Variants in GGT1 observed in about 807,000 individuals in gnomAD.
GGT1 encodes glutathione hydrolase 1 proenzyme.
GGT1 carries 21 observed loss-of-function variants against 56.0 expected under a neutral mutation model. That is an observed-to-expected ratio of 0.38 (90% confidence interval 0.27 to 0.54). The LOEUF is 0.54. Among genes scored for constraint, GGT1 ranks in the 20% least tolerant of loss-of-function variants. The probability of loss-of-function intolerance (pLI) is 0.82; values close to 1 mark genes in which losing one functional copy is unlikely to be tolerated. For synonymous variants in GGT1, 238 were observed against 342.6 expected (o/e 0.69, Z 3.37); for missense variants, 466 against 787.0 (o/e 0.59, Z 4.88).
chr22:24,604,765 T>C (rs201435769), intron 1 of GGT1, among the ~76,000 whole-genome samples: 1 of 151,544 alleles, frequency 6.6e-6, no homozygotes, highest in Non-Finnish European at 1.5e-5. Flanking sequence ...ACACTCAGCA[T>C]GTGAGGAAAA....
chr22:24,586,336 C>G, the GGT1 span: 1 of 1,613,974 alleles, frequency 6.2e-7, no homozygotes, highest in Non-Finnish European at 8.5e-7. Context: ...GTTGCACGTC[C>G]TGTGTCGACA....
At chr22:24,590,598 G>A (rs951588403), upstream of GGT1, among the ~76,000 whole-genome samples, 3 of 152,130 alleles carry the variant, frequency 2.0e-5, no homozygotes, top group Non-Finnish European at 4.4e-5. Flanking sequence ...GGGGGGGTTT[G>A]CTCTTCTTAT....
At chr22:24,590,795 G>A (rs1213911475), upstream of GGT1, among the ~76,000 whole-genome samples, 1 of 152,036 alleles carries the variant, frequency 6.6e-6, no homozygotes, top group Non-Finnish European at 1.5e-5. Flanking sequence ...CACCACCCAT[G>A]CCCCAGCTCA....
At chr22:24,606,192 G>A (rs990335799) in intron 1 of GGT1, among the ~76,000 whole-genome samples, 2 of 145,084 alleles carry the variant, frequency 1.4e-5, no homozygotes, top group Non-Finnish European at 3.0e-5. Flanking sequence ...CAACGTACAG[G>A]TTTGTTACAT....
the GGT1 span, chr22:24,588,472 C>T: frequency 9.3e-5 from 71 of 766,406 alleles, no homozygotes; most frequent in Middle Eastern, 3.8e-4. Flanking sequence ...CAGGGCCTCC[C>T]CCTCCTACCC....
At chr22:24,586,277 T>TCCAGCA in the GGT1 span, 1 of 1,613,842 alleles carries the variant, frequency 6.2e-7, no homozygotes, top group Non-Finnish European at 8.5e-7. Context: ...GAAGCTCAGG[T>TCCAGCA]CCAGCACCGC....
chr22:24,588,327 G>A, the GGT1 span: 3 of 1,610,802 alleles, frequency 1.9e-6, no homozygotes, highest in Non-Finnish European at 2.5e-6. Flanking sequence ...AGAGCTCATA[G>A]TCCTGTGGGA....
At chr22:24,613,167 T>C (rs922264603) in intron 5 of GGT1, among the ~76,000 whole-genome samples, 25 of 152,236 alleles carry the variant, frequency 1.6e-4, no homozygotes, top group African/African-American at 5.8e-4. Context: ...CCTTGAACTC[T>C]TGGGCTTAAG....
upstream of GGT1, chr22:24,592,292 G>T: frequency 4.3e-6 from 2 of 468,394 alleles, no homozygotes. Flanking sequence ...GTACTCTAAG[G>T]GCATGAGCCG....
At chr22:24,619,106 T>A (rs2147432749) in intron 7 of GGT1, among the ~76,000 whole-genome samples, 1 of 151,998 alleles carries the variant, frequency 6.6e-6, no homozygotes, top group African/African-American at 2.4e-5. Flanking sequence ...AAAATAAAAA[T>A]AAAAAATTAG....
the GGT1 span, chr22:24,586,037 C>T: frequency 2.2e-3 from 3,613 of 1,611,276 alleles, 15 homozygotes; most frequent in South Asian, 4.1e-3. Flanking sequence ...CTGGCTCAGC[C>T]GCCGGCGCAG....
chr22:24,601,114 G>A (rs555443871), upstream of GGT1, among the ~76,000 whole-genome samples: 10 of 152,260 alleles, frequency 6.6e-5, no homozygotes, highest in East Asian at 1.7e-3. Context: ...GACACAAAAT[G>A]TCCTGGATAA....
intron 11 of GGT1, among the ~76,000 whole-genome samples, chr22:24,626,409 G>A (rs2047772358): frequency 8.1e-6 from 1 of 123,098 alleles, no homozygotes; most frequent in Admixed American, 8.6e-5. Context: ...TGGGGACCTT[G>A]GCCAGGCTCA....
the GGT1 span, chr22:24,586,110 C>T: frequency 6.2e-7 from 1 of 1,613,020 alleles, no homozygotes; most frequent in Non-Finnish European, 8.5e-7. Context: ...TCCACCCAAG[C>T]CAAAGCAGGG....
intron 1 of GGT1, among the ~76,000 whole-genome samples, chr22:24,595,396 A>G (rs2045675239): frequency 6.6e-6 from 1 of 152,166 alleles, no homozygotes; most frequent in African/African-American, 2.4e-5. Context: ...GCTAGCCCAC[A>G]TGTGTTCTTC....
the GGT1 span, chr22:24,589,187 C>G: frequency 8.4e-7 from 1 of 1,189,722 alleles, no homozygotes; most frequent in Admixed American, 3.9e-5. Context: ...GGTGGCTGGT[C>G]ACAGCCACAC....
At position 24,621,086 on chromosome 22, in the gene GGT1, C is replaced by G. The variant is rs1349404771; in HGVS notation, c.733+16C>G. ...CAGGCGGCCGGTGAGTGGGTAACCTCAGGGGCCTGGGTGAGGAACTCTGCA... is the reference window on the plus strand; with the variant it reads ...CAGGCGGCCGGTGAGTGGGTAACCTGAGGGGCCTGGGTGAGGAACTCTGCA... On this transcript the variant is annotated intron_variant, in intron 9 of 15. Coordinates refer to ENST00000400382, the MANE Select transcript of GGT1 (RefSeq NM_001288833.2). 1.9e-6 allele frequency: 3 copies of G among 1,560,808 alleles called. No homozygotes were observed. Among genetic ancestry groups the G allele is most frequent in the Non-Finnish European group, 1.7e-6 (2 of 1,152,330 alleles).
intron 3 of GGT1, 64 bp from the exon 4 acceptor site, chr22:24,610,186 C>T (rs1489306499): frequency 3.1e-6 from 1 of 318,756 alleles, no homozygotes; most frequent in Non-Finnish European, 6.5e-6. Flanking sequence ...TGAGCTGTGC[C>T]TGGGAGACAT....
intron 1 of GGT1, among the ~76,000 whole-genome samples, chr22:24,604,808 A>C (rs1294809125): frequency 1.3e-5 from 2 of 149,778 alleles, no homozygotes; most frequent in African/African-American, 5.0e-5. Context: ...TACCTCTATT[A>C]ACATGTCCTT....
Sources: gnomAD v4.1 joint callset for allele counts (sites outside exome capture counted in the v4.1 genomes callset) on GRCh38, gnomAD v4.1.1 for gene constraint, MANE v1.5 for transcripts, NCBI Gene and HGNC (gene_info 2026-07-23, HGNC 2026-07-21) for gene names.